Variants in C1QL4 observed in about 807,000 individuals in gnomAD.
The protein encoded by C1QL4 is complement C1q like 4.
In C1QL4, 5 loss-of-function variants were observed where a neutral mutation model predicts 13.4. That is an observed-to-expected ratio of 0.37 (90% CI 0.19 to 0.78). The LOEUF (loss-of-function observed/expected upper bound fraction) is 0.78, where lower values mean the gene tolerates loss of function less well. Ranked by LOEUF, C1QL4 falls within the 30% of genes least tolerant of loss-of-function variation. The pLI is 0.47. For synonymous variants in C1QL4, 168 were observed against 153.9 expected, an observed-to-expected ratio of 1.09 and a Z score of -0.68; for missense variants, 367 against 361.6, an observed-to-expected ratio of 1.01 and a Z score of -0.12.
chr12:49,335,172 C>T (rs1455217481), intron 1 of C1QL4, among the ~76,000 whole-genome samples: 1 of 152,262 alleles, frequency 6.6e-6, no homozygotes, highest in African/African-American at 2.4e-5. Context: ...AACCTGGATA[C>T]TGAGAGATTG....
In C1QL4 at chr12:49,336,330, G is replaced by T. The variant is rs528370382; in HGVS notation, c.148C>A (p.Pro50Thr). 7.0e-7 allele frequency: 1 copy of T among 1,422,288 alleles called. No homozygotes were observed. Among genetic ancestry groups the T allele is most frequent in the Non-Finnish European group, 9.1e-7 (1 of 1,097,726 alleles). The allele number at this position is 1,422,288 out of a possible 1,614,324, so 88.1% of individuals were successfully genotyped here. Reference protein sequence around the residue: ...PGPDGAPASVPPFPPGAKGEV... With the variant: ...PGPDGAPASVTPFPPGAKGEV... ...CCCTTGGCGCCTGGCGGGAAGGGGG[G>T]CACGGAAGCAGGCGCGCCGTCGGGA... The change falls in exon 1 of 2, where the codon CCC (proline) becomes ACC (threonine). Residue 50 changes from proline to threonine, a missense_variant. Pro to Thr is a conservative substitution (Grantham distance 38, BLOSUM62 -1). Transcript: ENST00000334221. This position sits in a 1 kb window ranked among gnomAD's most constrained non-coding sequence, Gnocchi z 7.7.
intron 1 of C1QL4, among the ~76,000 whole-genome samples, chr12:49,334,405 G>T (rs560652520): frequency 6.6e-6 from 1 of 152,100 alleles, no homozygotes; most frequent in South Asian, 2.1e-4. Flanking sequence ...GCACCCACTG[G>T]TGCCCAGGCG....
At chr12:49,335,881 A>T in intron 1 of C1QL4, 60 bp downstream of exon 1, 1 of 1,528,688 alleles carries the variant, frequency 6.5e-7, no homozygotes, top group South Asian at 1.2e-5. Context: ...TTGTGGGATG[A>T]GTGCAGGGAG....
At position 49,336,362 on chromosome 12, in the gene C1QL4, C is replaced by A; in HGVS notation, c.116G>T (p.Gly39Val). The part of the protein sequence containing the change: ...RMVCDPHGPR[G>V]PGPDGAPASV... ...AGCAGGCGCGCCGTCGGGACCAGGG[C>A]CACGGGGCCCATGCGGGTCGCACAC... Residue 39 changes from glycine (G) to valine (V), a missense_variant, in exon 1 of 2, where the codon GGC becomes GTC. Coordinates refer to ENST00000334221, the MANE Select transcript of C1QL4 (RefSeq NM_001008223.2). This position sits in a 1 kb window ranked among gnomAD's most constrained non-coding sequence, Gnocchi z 7.7. 6.9e-7 allele frequency: 1 copy of A among 1,450,640 alleles called. No individual in the cohort carries two copies. The highest frequency in any genetic ancestry group is 9.0e-7 in the Non-Finnish European group (1 of 1,114,312). The allele number at this position is 1,450,640 out of a possible 1,614,324, so 89.9% of individuals were successfully genotyped here.
chr12:49,333,130 A>C lies in C1QL4; in HGVS notation c.641T>G (p.Leu214Arg). Residue 214 changes from leucine to arginine, a missense_variant, in exon 2 of 2, where the codon CTG becomes CGG. Coordinates refer to ENST00000334221, the MANE Select transcript of C1QL4 (RefSeq NM_001008223.2). Reference sequence around the variant, plus strand: ...GCCGCCGTGCACTTTCCCGCCGTCCAGCTTGATGAAGACCTCGTCGCCCAC... The same window carrying C: ...GCCGCCGTGCACTTTCCCGCCGTCCCGCTTGATGAAGACCTCGTCGCCCAC... ...LDVGDEVFIK[L>R]DGGKVHGGNT... The C allele has an allele frequency of 6.2e-7, 1 of 1,614,162 alleles. No homozygotes were observed. Among genetic ancestry groups the C allele is most frequent in the Non-Finnish European group, 8.5e-7 (1 of 1,179,996 alleles).
rs764132857 is a variant in C1QL4 at position 49,336,126 on chromosome 12, G to A, written c.352C>T (p.Arg118Trp). ...PRIAFYAGLRRPHEGYEVLRF... is the reference protein window; with the variant it reads ...PRIAFYAGLRWPHEGYEVLRF... The stretch of plus-strand genomic sequence containing the variant: ...AGCACCTCGTAACCCTCGTGGGGCC[G>A]CCGCAGGCCCGCGTAGAAAGCAATG... The change falls in exon 1 of 2, where the codon CGG becomes TGG. Residue 118 changes from arginine to tryptophan, a missense_variant. Arg to Trp is a moderately radical substitution (Grantham distance 101, BLOSUM62 -3). Transcript: ENST00000334221. This position sits in a 1 kb window ranked among gnomAD's most constrained non-coding sequence, Gnocchi z 7.7. 6.2e-7 allele frequency: 1 copy of A among 1,611,086 alleles called. No individual in the cohort carries two copies. Among genetic ancestry groups the A allele is most frequent in the Non-Finnish European group, 8.5e-7 (1 of 1,179,468 alleles).
Position 49,332,977 on chromosome 12 carries a change from G to A in C1QL4, c.*77C>T, listed in dbSNP as rs981489161. On this transcript the variant is annotated 3_prime_UTR_variant, in exon 2 of 2. Coordinates refer to ENST00000334221, the MANE Select transcript of C1QL4 (RefSeq NM_001008223.2). ...CGCCAGGCTCTCAAAGGGTGGGGTG[G>A]CGCCTCGGGTGGGGCGGGCAGGAGG... 63 of 1,419,320 alleles carry A rather than the reference G, an allele frequency of 4.4e-5. 1 individual carries two copies. In the East Asian group the frequency reaches 1.4e-3, roughly 32 times the overall value. The allele number at this position is 1,419,320 out of a possible 1,614,324, so 87.9% of individuals were successfully genotyped here. A position where few individuals can be genotyped will look rare whatever the true frequency, so the allele number is the denominator to read the frequency against.
chr12:49,334,902 G>A (rs1259454762), intron 1 of C1QL4, among the ~76,000 whole-genome samples: 1 of 152,184 alleles, frequency 6.6e-6, no homozygotes, highest in African/African-American at 2.4e-5. Context: ...AGATGCTGCC[G>A]CGGTACCAGG....
intron 1 of C1QL4, among the ~76,000 whole-genome samples, chr12:49,334,094 G>A (rs1450726689): frequency 1.3e-5 from 2 of 151,996 alleles, no homozygotes; most frequent in East Asian, 2.0e-4. Flanking sequence ...CCGGGAGGCC[G>A]AGGTCGGAGA....
chr12:49,333,079 G>C lies in C1QL4; in HGVS notation c.692C>G (p.Ser231Cys), dbSNP rs367601077. The C allele has an allele frequency of 5.4e-5, 87 of 1,613,768 alleles. No homozygotes were observed. Among genetic ancestry groups the C allele is most frequent in the Non-Finnish European group, 7.3e-5 (86 of 1,179,896 alleles). ...GGNTNKYSTFSGFIIYPD is the reference protein window; with the variant it reads ...GGNTNKYSTFCGFIIYPD ...TCAGTCGGGGTAGATGATGAAGCCG[G>C]AGAAGGTGCTGTACTTGTTGGTGTT... Residue 231 changes from serine (S) to cysteine (C), a missense_variant, in exon 2 of 2, where the codon TCC (serine) becomes TGC (cysteine). Coordinates refer to ENST00000334221, the MANE Select transcript of C1QL4 (RefSeq NM_001008223.2).
intron 1 of C1QL4, among the ~76,000 whole-genome samples, chr12:49,334,676 C>T (rs1943618008): frequency 6.6e-6 from 1 of 152,170 alleles, no homozygotes; most frequent in South Asian, 2.1e-4. Context: ...CCCCCTCCAC[C>T]TCCTCCCAGA....
chr12:49,335,905 C>G, intron 1 of C1QL4, 36 bp downstream of exon 1: 1 of 1,573,752 alleles, frequency 6.4e-7, no homozygotes, highest in Non-Finnish European at 8.6e-7. Context: ...TAGAGAGCGA[C>G]CAGTCTGAGC....
chr12:49,333,179 T>G lies in C1QL4; in HGVS notation c.592A>C (p.Asn198His). The G allele has an allele frequency of 6.2e-7, 1 of 1,614,148 alleles. No individual in the cohort carries two copies. Among genetic ancestry groups the G allele is most frequent in the African/African-American group, 1.3e-5 (1 of 75,052 alleles). The change falls in exon 2 of 2, where the codon AAC (asparagine) becomes CAC (histidine). Residue 198 changes from asparagine (N) to histidine (H), a missense_variant. Physicochemically the swap from Asn to His is moderately conservative, Grantham distance 68. Transcript: ENST00000334221. ...DADQNYDYAS[N>H]SVILHLDVGD... Reference sequence around the variant, plus strand: ...ACGTCCAGGTGCAGAATGACGCTGTTGCTGGCGTAGTCGTAGTTCTGGTCC... The same window carrying G: ...ACGTCCAGGTGCAGAATGACGCTGTGGCTGGCGTAGTCGTAGTTCTGGTCC...
intron 1 of C1QL4, among the ~76,000 whole-genome samples, chr12:49,335,187 G>T (rs1253189034): frequency 6.6e-6 from 1 of 152,222 alleles, no homozygotes; most frequent in Non-Finnish European, 1.5e-5. Context: ...AGATTGCTAG[G>T]GAGGGTGTGG....
At chr12:49,335,802 G>T (rs753929248) in intron 1 of C1QL4, 139 bp downstream of exon 1, 63 of 1,065,600 alleles carry the variant, frequency 5.9e-5, no homozygotes, top group Admixed American at 7.4e-5. Flanking sequence ...GGTAAATGAA[G>T]TCATCTATCG....
intron 1 of C1QL4, among the ~76,000 whole-genome samples, chr12:49,335,299 T>C (rs1476823948): frequency 6.6e-6 from 1 of 152,230 alleles, no homozygotes; most frequent in African/African-American, 2.4e-5. Context: ...GCCCTTGAGC[T>C]GCCAAGCCAC....
In C1QL4 at chr12:49,336,366, G is replaced by C. The variant is rs1207538045; in HGVS notation, c.112C>G (p.Arg38Gly). The C allele has an allele frequency of 1.4e-6, 2 of 1,454,866 alleles. No homozygotes were observed. Among genetic ancestry groups the C allele is most frequent in the East Asian group, 2.6e-5 (1 of 38,244 alleles). 90.1% of individuals were successfully genotyped at this position (1,454,866 alleles called of 1,614,324 possible). A position where few individuals can be genotyped will look rare whatever the true frequency, so the allele number is the denominator to read the frequency against. ...GGCGCGCCGTCGGGACCAGGGCCAC[G>C]GGGCCCATGCGGGTCGCACACCATG... ...CRMVCDPHGPRGPGPDGAPAS... is the reference protein window; with the variant it reads ...CRMVCDPHGPGGPGPDGAPAS... The change falls in exon 1 of 2, where the codon CGT (arginine) becomes GGT (glycine). Residue 38 changes from arginine to glycine, a missense_variant. Physicochemically the swap from Arg to Gly is moderately radical, Grantham distance 125. Transcript: ENST00000334221. The surrounding 1 kb of genome is among the most constrained non-coding windows in gnomAD (Gnocchi z 7.7).
rs1943631923 is a variant in C1QL4 at position 49,336,285 on chromosome 12, T to C, written c.193A>G (p.Lys65Glu). ...GAKGEVGRRG[K>E]AGLRGPPGPP... is the part of the protein sequence containing the mutation. ...CCAGGGGGCCCCCGCAGGCCTGCTTTCCCGCGCCGGCCCACCTCTCCCTTG... is the reference window on the plus strand; with the variant it reads ...CCAGGGGGCCCCCGCAGGCCTGCTTCCCCGCGCCGGCCCACCTCTCCCTTG... Residue 65 changes from lysine (K) to glutamate (E), a missense_variant, in exon 1 of 2, where the codon AAA becomes GAA. Lys to Glu is a moderately conservative substitution (Grantham distance 56). Coordinates refer to ENST00000334221, the MANE Select transcript of C1QL4 (RefSeq NM_001008223.2). The surrounding 1 kb of genome is among the most constrained non-coding windows in gnomAD (Gnocchi z 7.7). The C allele has an allele frequency of 1.4e-5, 20 of 1,420,036 alleles. No individual in the cohort carries two copies. The highest frequency in any genetic ancestry group is 1.8e-5 in the Non-Finnish European group (20 of 1,094,522). 88.0% of individuals were successfully genotyped at this position (1,420,036 alleles called of 1,614,324 possible).
chr12:49,336,228 G>C lies in C1QL4; in HGVS notation c.250C>G (p.Pro84Ala). ...PPGPRGPPGE[P>A]GRPGPPGPPG... ...GGGCCCGGGGGGCCTGGCCTGCCGG[G>C]TTCTCCTGGGGGCCCTCTTGGACCT... The change falls in exon 1 of 2, where the codon CCC (proline) becomes GCC (alanine). Residue 84 changes from proline (P) to alanine (A), a missense_variant. Pro to Ala is a conservative substitution (Grantham distance 27, BLOSUM62 -1). Coordinates refer to ENST00000334221, the MANE Select transcript of C1QL4 (RefSeq NM_001008223.2). The surrounding 1 kb of genome is among the most constrained non-coding windows in gnomAD (Gnocchi z 7.7). 1 of 1,488,184 alleles carries C rather than the reference G, an allele frequency of 6.7e-7. No individual in the cohort carries two copies. The highest frequency in any genetic ancestry group is 1.3e-5 in the South Asian group (1 of 75,142). 92.2% of individuals were successfully genotyped at this position (1,488,184 alleles called of 1,614,324 possible).
Sources: allele counts gnomAD v4.1 joint callset (sites outside exome capture counted in the v4.1 genomes callset), GRCh38; gene constraint gnomAD v4.1.1; non-coding constraint Gnocchi (gnomAD v3.1); transcripts MANE v1.5; gene names NCBI Gene and HGNC (gene_info 2026-07-23, HGNC 2026-07-21).